Variants in PCLO observed in about 807,000 individuals in gnomAD.
PCLO encodes protein piccolo.
A neutral mutation model predicts 427.5 loss-of-function variants in PCLO; 82 were observed. That is an observed-to-expected ratio of 0.19 (90% confidence interval 0.16 to 0.23). PCLO has a LOEUF of 0.23. PCLO is among the 10% of genes least tolerant of loss of function. The pLI is 1.00. For missense variants in PCLO, 6,239 were observed against 6,115.9 expected (o/e 1.02, Z -0.67); for synonymous variants, 2,357 against 2,155.4 (o/e 1.09, Z -2.59).
chr7:82,936,001 C>A (rs905841177), intron 6 of PCLO, among the ~76,000 whole-genome samples: 2 of 151,640 alleles, frequency 1.3e-5, no homozygotes, highest in African/African-American at 2.4e-5. Context: ...CTCCTATTCT[C>A]TAGCTTGGAT....
At chr7:82,991,142 T>A (rs538859037) in intron 3 of PCLO, among the ~76,000 whole-genome samples, 1 of 152,288 alleles carries the variant, frequency 6.6e-6, no homozygotes, top group South Asian at 2.1e-4. Flanking sequence ...AAAATGTCAA[T>A]TAGCTGTGGC....
chr7:82,951,095 A>G lies in PCLO; in HGVS notation c.9493T>C (p.Leu3165=), dbSNP rs374652833. Residue 3165 remains leucine (L), a synonymous_variant, in exon 6 of 25, where the codon TTG becomes CTG. Coordinates refer to ENST00000333891, the MANE Select transcript of PCLO (RefSeq NM_033026.6). ...AVTGIDISAS[L]QTITMESLTA... is the part of the protein sequence containing the mutation. ...AGAGACTCCATAGTAATAGTTTGCA[A>G]ACTGGCACTGATATCAATACCAGTT... The G allele has an allele frequency of 1.9e-6, 3 of 1,613,900 alleles. No homozygotes were observed. Among genetic ancestry groups the G allele is most frequent in the Non-Finnish European group, 2.5e-6 (3 of 1,179,844 alleles).
rs140413016 is a variant in PCLO at position 82,828,699 on chromosome 7, G to T, written c.14250-733C>A. ...ATTTATTTTCAAAGCCTATCCTAAT[G>T]AAGTCTGGCAGAACATCTATAGCTG... is the stretch of plus-strand genomic sequence containing the variant. On this transcript the variant is annotated intron_variant, in intron 16 of 24. Transcript: ENST00000333891. 2.0e-3 allele frequency among the ~76,000 whole-genome samples: 302 copies of T among 152,204 alleles called. 5 individuals carry two copies. Among genetic ancestry groups the T allele is most frequent in the African/African-American group, 6.9e-3 (285 of 41,528 alleles).
rs1789215907 is a variant in PCLO, at chr7:83,050,274, A to ATT, written c.3301-83788_3301-83787insAA. Among the ~76,000 whole-genome samples the ATT allele has an allele frequency of 6.2e-3, 59 of 9,566 alleles. 1 individual carries two copies. The African/African-American group carries it at 0.12, about 19-fold the overall frequency. The allele number at this position is 9,566 out of a possible 152,430, so 6.3% of individuals were successfully genotyped here. ...AAAAAAAACTAGAAGTGCTTTTTAA[A>ATT]AAAAAAAAAAAAAAACAAAACCAAA... On this transcript the variant is annotated intron_variant, in intron 3 of 24. Coordinates refer to ENST00000333891, the MANE Select transcript of PCLO (RefSeq NM_033026.6).
chr7:83,108,040 G>A (rs895228978), intron 3 of PCLO, among the ~76,000 whole-genome samples: 4 of 143,332 alleles, frequency 2.8e-5, no homozygotes, highest in Non-Finnish European at 6.2e-5. Context: ...GAACTCTAAA[G>A]TTTCAAATTA....
At chr7:82,940,755 C>CTTTTTTTTTTTTT (rs71531190) in intron 6 of PCLO, among the ~76,000 whole-genome samples, 5 of 109,140 alleles carry the variant, frequency 4.6e-5, no homozygotes, top group Non-Finnish European at 7.2e-5. Flanking sequence ...TTTTTTCTTT[C>CTTTTTTTTTTTTT]TTTTTTTTTT....
intron 14 of PCLO, among the ~76,000 whole-genome samples, chr7:82,840,257 T>C (rs936817764): frequency 2.0e-5 from 3 of 152,176 alleles, no homozygotes; most frequent in African/African-American, 7.2e-5. Context: ...ACAGAGGTCA[T>C]CAGGGTAGTA....
intron 2 of PCLO, among the ~76,000 whole-genome samples, chr7:83,148,643 T>C (rs776040870): frequency 6.6e-6 from 1 of 152,196 alleles, no homozygotes; most frequent in African/African-American, 2.4e-5. Flanking sequence ...ATGTTAACTA[T>C]AGAGAAAATA....
Position 82,956,314 on chromosome 7 carries a change from G to C in PCLO, c.4639C>G (p.Gln1547Glu). 1.9e-6 allele frequency: 3 copies of C among 1,612,822 alleles called. No homozygotes were observed. Among genetic ancestry groups the C allele is most frequent in the Non-Finnish European group, 2.5e-6 (3 of 1,179,828 alleles). ...SSDEYKQEDS[Q>E]GSGEEEDFIR... The stretch of plus-strand genomic sequence containing the variant: ...AAGTCCTCCTCTTCCCCTGATCCTT[G>C]GCTGTCTTCCTGTTTATACTCATCA... Residue 1547 changes from glutamine (Q) to glutamate (E), a missense_variant, in exon 5 of 25, where the codon CAA (glutamine) becomes GAA (glutamate). Coordinates refer to ENST00000333891, the MANE Select transcript of PCLO (RefSeq NM_033026.6).
At chr7:83,048,953 G>A (rs1422224243) in intron 3 of PCLO, among the ~76,000 whole-genome samples, 2 of 152,086 alleles carry the variant, frequency 1.3e-5, no homozygotes, top group African/African-American at 2.4e-5. Context: ...ACACAATTGG[G>A]AAAGTTAAGT....
At chr7:83,138,575 CG>C (rs1791786238) in intron 2 of PCLO, among the ~76,000 whole-genome samples, 3 of 151,834 alleles carry the variant, frequency 2.0e-5, no homozygotes, top group African/African-American at 4.8e-5. Context: ...GTTGGAGAAT[CG>C]CTTAAACCTG....
At chr7:82,906,597 A>C (rs1794197724) in intron 8 of PCLO, among the ~76,000 whole-genome samples, 1 of 152,086 alleles carries the variant, frequency 6.6e-6, no homozygotes, top group Non-Finnish European at 1.5e-5. Context: ...GATAAAGAAA[A>C]ACAAATTATT....
At chr7:83,117,102 GA>G (rs1252025130) in intron 3 of PCLO, among the ~76,000 whole-genome samples, 2 of 152,194 alleles carry the variant, frequency 1.3e-5, no homozygotes, top group African/African-American at 4.8e-5. Context: ...AGGAGTTACT[GA>G]AAACAAACTT....
At chr7:83,108,821 G>A (rs1276948349) in intron 3 of PCLO, among the ~76,000 whole-genome samples, 1 of 151,942 alleles carries the variant, frequency 6.6e-6, no homozygotes, top group Non-Finnish European at 1.5e-5. Flanking sequence ...ATAGTAATAT[G>A]AGCTCTTTCA....
intron 3 of PCLO, among the ~76,000 whole-genome samples, chr7:83,085,070 T>C (rs543250967): frequency 1.3e-4 from 20 of 152,272 alleles, no homozygotes; most frequent in Non-Finnish European, 2.8e-4. Context: ...TGTGTGCTTA[T>C]CGTGGTTGGC....
Position 83,155,784 on chromosome 7 carries a change from G to T in PCLO, c.857C>A (p.Ala286Glu). ...AACTGATTCTCCCCTTACTATGTCT[G>T]CCTGTTTAGTCTGAGGCCTGGATGC... Reference protein sequence around the residue: ...RDASRPQTKQADIVRGESVKP... With the variant: ...RDASRPQTKQEDIVRGESVKP... Residue 286 changes from alanine (A) to glutamate (E), a missense_variant, in exon 2 of 25, where the codon GCA becomes GAA. This residue lies in a region of PCLO where 4,677 missense variants were observed against 4,468.4 expected (regional missense o/e 1.05). Transcript: ENST00000333891. 5 of 1,613,926 alleles carry T rather than the reference G, an allele frequency of 3.1e-6. No homozygotes were observed. The highest frequency in any genetic ancestry group is 4.2e-6 in the Non-Finnish European group (5 of 1,179,842).
At chr7:83,089,180 AT>A (rs901238975) in intron 3 of PCLO, among the ~76,000 whole-genome samples, 1 of 151,842 alleles carries the variant, frequency 6.6e-6, no homozygotes, top group African/African-American at 2.4e-5. Context: ...TGTTTTAAAT[AT>A]TTTTTTATGT....
intron 3 of PCLO, among the ~76,000 whole-genome samples, chr7:83,039,345 A>C (rs1788913698): frequency 6.6e-6 from 1 of 151,976 alleles, no homozygotes; most frequent in Admixed American, 6.6e-5. Flanking sequence ...TTCAAGTTTT[A>C]GCTCTTATAT....
chr7:83,155,747 C>A lies in PCLO; in HGVS notation c.894G>T (p.Leu298=), dbSNP rs1451879757. 7 of 1,613,930 alleles carry A rather than the reference C, an allele frequency of 4.3e-6. No individual in the cohort carries two copies. The highest frequency in any genetic ancestry group is 1.1e-5 in the South Asian group (1 of 91,076). The part of the protein sequence containing the change: ...IVRGESVKPS[L]PSPSKPPIQQ... ...GAATAGGTGGTTTGGATGGGCTTGG[C>A]AGTGAGGGTTTAACTGATTCTCCCC... The change falls in exon 2 of 25, where the codon CTG becomes CTT. Residue 298 remains leucine, a synonymous_variant. Transcript: ENST00000333891.
Sources: allele counts gnomAD v4.1 joint callset (sites outside exome capture counted in the v4.1 genomes callset), GRCh38; gene constraint gnomAD v4.1.1; regional missense constraint gnomAD v4.1.1; transcripts MANE v1.5; gene names NCBI Gene and HGNC (gene_info 2026-07-23, HGNC 2026-07-21).